DAGLB: variants seen among roughly 807,000 people sequenced by gnomAD.
DAGLB encodes diacylglycerol lipase-beta.
DAGLB carries 66 observed loss-of-function variants against 72.1 expected under a neutral mutation model. The ratio of observed to expected loss-of-function variants is 0.92; its 90% CI spans 0.75 to 1.12. The LOEUF (loss-of-function observed/expected upper bound fraction) is 1.12. DAGLB is among the 50% of genes most tolerant of loss of function. The probability of loss-of-function intolerance (pLI) is 0.00; values close to 1 mark genes in which losing one functional copy is unlikely to be tolerated. For synonymous variants in DAGLB, 414 were observed against 359.5 expected (o/e 1.15, Z -1.71); for missense variants, 1,065 against 884.9 (o/e 1.20, Z -2.58).
chr7:6,440,355 T>G lies in DAGLB; in HGVS notation c.248-3822A>C, dbSNP rs1784790513. ...GCCGAGATCATGCCATTGCACTCCA[T>G]CCTGGGGACTCAAAAGCGAAACTCC... is the stretch of plus-strand genomic sequence containing the variant. On this transcript the variant is annotated intron_variant, in intron 2 of 14. Transcript: ENST00000297056. Among the ~76,000 whole-genome samples the G allele has an allele frequency of 5.4e-5, 8 of 147,534 alleles. No individual in the cohort carries two copies. In the South Asian group the frequency reaches 1.5e-3, roughly 28 times the overall value.
chr7:6,445,971 T>G lies in DAGLB; in HGVS notation c.229A>C (p.Met77Leu). The change falls in exon 2 of 15, where the codon ATG becomes CTG. Residue 77 changes from methionine to leucine, a missense_variant. Met to Leu is a conservative substitution (Grantham distance 15, BLOSUM62 2). Coordinates refer to ENST00000297056, the MANE Select transcript of DAGLB (RefSeq NM_139179.4). ...AVVICTVSAI[M>L]CVSMRGTICN... ...TTTTTACCTCTCATGCTGACACACATGATGGCTGACACAGTACATATGACA... is the reference window on the plus strand; with the variant it reads ...TTTTTACCTCTCATGCTGACACACAGGATGGCTGACACAGTACATATGACA... 1.2e-6 allele frequency: 2 copies of G among 1,602,646 alleles called. No individual in the cohort carries two copies. Among genetic ancestry groups the G allele is most frequent in the South Asian group, 2.2e-5 (2 of 89,344 alleles).
At chr7:6,441,855 T>C (rs1393705079) in intron 2 of DAGLB, among the ~76,000 whole-genome samples, 1 of 152,118 alleles carries the variant, frequency 6.6e-6, no homozygotes, top group Non-Finnish European at 1.5e-5. Flanking sequence ...CAACTCAAAC[T>C]GGCTGAAAAG....
At chr7:6,429,912 C>CG (rs1562484841) in intron 6 of DAGLB, among the ~76,000 whole-genome samples, 5 of 151,932 alleles carry the variant, frequency 3.3e-5, no homozygotes, top group Non-Finnish European at 7.4e-5. Flanking sequence ...GCAGTGGTGG[C>CG]GGGCGCCTGT....
At chr7:6,419,328 CCTTT>C (rs1220044246) in intron 9 of DAGLB, among the ~76,000 whole-genome samples, 3 of 152,114 alleles carry the variant, frequency 2.0e-5, no homozygotes, top group Non-Finnish European at 4.4e-5. Flanking sequence ...TACCAGATGC[CCTTT>C]CTCTCTCCTG....
chr7:6,423,692 A>T (rs1784210558), intron 8 of DAGLB, among the ~76,000 whole-genome samples: 1 of 151,226 alleles, frequency 6.6e-6, no homozygotes, highest in Admixed American at 6.6e-5. Context: ...GGTTCAAGTG[A>T]TTCTCCTGCC....
chr7:6,425,477 G>T (rs916894933), intron 7 of DAGLB, among the ~76,000 whole-genome samples: 1 of 152,070 alleles, frequency 6.6e-6, no homozygotes, highest in South Asian at 2.1e-4. Context: ...TCACCATATT[G>T]GCCAGGCTGG....
intron 2 of DAGLB, among the ~76,000 whole-genome samples, chr7:6,440,889 T>G (rs1019976507): frequency 2.6e-5 from 4 of 151,822 alleles, no homozygotes; most frequent in Non-Finnish European, 4.4e-5. Context: ...CATCAGTCAA[T>G]CAATCATTTA....
At chr7:6,446,202 C>G in intron 1 of DAGLB, 98 bp from the exon 2 acceptor site, 1 of 1,303,670 alleles carries the variant, frequency 7.7e-7, no homozygotes, top group Non-Finnish European at 1.0e-6. Flanking sequence ...GGCGCGGTGG[C>G]TCACACCTGT....
chr7:6,431,533 G>C (rs1319893889), intron 5 of DAGLB, among the ~76,000 whole-genome samples: 1 of 151,790 alleles, frequency 6.6e-6, no homozygotes, highest in South Asian at 2.1e-4. Context: ...GCACTTTGGG[G>C]GGCCAAGGCC....
At chr7:6,422,064 T>G (rs1315941927) in intron 8 of DAGLB, 1 of 571,342 alleles carries the variant, frequency 1.8e-6, no homozygotes, top group Non-Finnish European at 3.3e-6. Context: ...GCCCTGCGCC[T>G]TCCCCATCAC....
intron 7 of DAGLB, among the ~76,000 whole-genome samples, 175 bp downstream of exon 7, chr7:6,425,813 G>C (rs1458108258): frequency 1.3e-5 from 2 of 152,232 alleles, no homozygotes; most frequent in African/African-American, 4.8e-5. Context: ...ACCTGCACCA[G>C]GGCATCTGTG....
intron 3 of DAGLB, 63 bp from the exon 4 acceptor site, chr7:6,435,083 G>C (rs537923473): frequency 2.5e-6 from 4 of 1,582,888 alleles, no homozygotes; most frequent in Middle Eastern, 4.7e-4. Context: ...GCAGATGTCC[G>C]GGGTCCCTCC....
chr7:6,413,118 A>C, intron 11 of DAGLB, 84 bp from the exon 12 acceptor site: 1 of 1,437,530 alleles, frequency 7.0e-7, no homozygotes, highest in South Asian at 1.2e-5. Flanking sequence ...AGTAACACTG[A>C]GGGGTTAGGT....
chr7:6,428,656 T>C (rs1305834053), intron 6 of DAGLB, among the ~76,000 whole-genome samples: 1 of 151,966 alleles, frequency 6.6e-6, no homozygotes, highest in Non-Finnish European at 1.5e-5. Flanking sequence ...CCAGCTAATT[T>C]CTGTATTTTT....
intron 2 of DAGLB, among the ~76,000 whole-genome samples, chr7:6,441,418 T>A (rs1240510070): frequency 1.4e-5 from 2 of 141,968 alleles, no homozygotes; most frequent in African/African-American, 2.6e-5. Context: ...CAAACATTTT[T>A]TTCTTTTTTT....
At chr7:6,447,277 A>G (rs1785037582) in intron 1 of DAGLB, among the ~76,000 whole-genome samples, 1 of 152,196 alleles carries the variant, frequency 6.6e-6, no homozygotes, top group African/African-American at 2.4e-5. Context: ...TCTGCTTCTC[A>G]CGAAATGCAG....
At chr7:6,425,638 A>G (rs958600858) in intron 7 of DAGLB, among the ~76,000 whole-genome samples, 1 of 152,122 alleles carries the variant, frequency 6.6e-6, no homozygotes, top group African/African-American at 2.4e-5. Flanking sequence ...CTGCTACACT[A>G]CACTACTGAT....
Position 6,426,114 on chromosome 7 carries a change from G to A in DAGLB, c.930C>T (p.Cys310=). The A allele has an allele frequency of 6.2e-7, 1 of 1,613,498 alleles. No homozygotes were observed. The highest frequency in any genetic ancestry group is 8.5e-7 in the Non-Finnish European group (1 of 1,179,846). The change falls in exon 7 of 15, where the codon TGC becomes TGT. Residue 310 remains cysteine, a splice_region_variant and synonymous_variant. Transcript: ENST00000297056. ...LTGLCRIGGD[C]CRSRTTDYDL... ...CATAGTCTGTGGTTCTGCTTCTGCA[G>A]CTAAAAAGAGGACAAAGACGTTACT...
At chr7:6,432,257 C>A (rs999383517) in intron 5 of DAGLB, among the ~76,000 whole-genome samples, 1 of 151,874 alleles carries the variant, frequency 6.6e-6, no homozygotes, top group African/African-American at 2.4e-5. Flanking sequence ...GAGGCTGAGG[C>A]AGGAGAATCA....
Sources: gnomAD v4.1 joint callset for allele counts (sites outside exome capture counted in the v4.1 genomes callset) on GRCh38, gnomAD v4.1.1 for gene constraint, MANE v1.5 for transcripts, NCBI Gene and HGNC (gene_info 2026-07-23, HGNC 2026-07-21) for gene names.